TGFBR3: variants seen among roughly 807,000 people sequenced by gnomAD.
TGFBR3 encodes transforming growth factor beta receptor 3, also known as transforming growth factor beta receptor type 3.
Under a neutral mutation model 87.9 loss-of-function variants are expected in TGFBR3, and 46 were observed. The ratio of observed to expected loss-of-function variants is 0.52; its 90% confidence interval spans 0.41 to 0.67. The LOEUF is 0.67. Ranked by LOEUF, TGFBR3 falls within the 30% of genes least tolerant of loss-of-function variation. TGFBR3 has a pLI of 0.00. For missense variants in TGFBR3, 866 were observed against 1,041.9 expected (o/e 0.83, Z 2.32); for synonymous variants, 381 against 391.6 (o/e 0.97, Z 0.32).
chr1:91,762,772 TAGGTCTTCTGC>T (rs373634156), intron 3 of TGFBR3, among the ~76,000 whole-genome samples: 340 of 152,372 alleles, frequency 2.2e-3, no homozygotes, highest in African/African-American at 7.7e-3. Flanking sequence ...CTATTCATAC[TAGGTCTTCTGC>T]AGTTACCTGT....
intron 1 of TGFBR3, chr1:91,861,875 G>A (rs1479238084): frequency 2.0e-5 from 4 of 195,380 alleles, no homozygotes; most frequent in African/African-American, 7.2e-5. Flanking sequence ...TTTTTTTTTT[G>A]AGATAGAGTC....
intron 1 of TGFBR3, among the ~76,000 whole-genome samples, chr1:91,876,059 T>C (rs1438180683): frequency 1.3e-5 from 2 of 151,462 alleles, no homozygotes; most frequent in Non-Finnish European, 2.9e-5. Context: ...CAAATGCAAC[T>C]TTGCACTCCG....
At chr1:91,803,735 C>T (rs915003726) in intron 2 of TGFBR3, among the ~76,000 whole-genome samples, 4 of 152,060 alleles carry the variant, frequency 2.6e-5, no homozygotes, top group East Asian at 1.9e-4. Context: ...CATTCCCCAC[C>T]GTTTCTGTTC....
At chr1:91,820,802 T>C (rs1258208926) in intron 2 of TGFBR3, among the ~76,000 whole-genome samples, 3 of 152,228 alleles carry the variant, frequency 2.0e-5, no homozygotes, top group Admixed American at 2.0e-4. Flanking sequence ...CATGTTCTTT[T>C]TGTATGTAAA....
intron 2 of TGFBR3, among the ~76,000 whole-genome samples, chr1:91,824,904 G>GAGCCAAGATCGCACTGCTGCAGTA (rs1676578664): frequency 6.6e-6 from 1 of 152,206 alleles, no homozygotes; most frequent in Non-Finnish European, 1.5e-5. Flanking sequence ...AGGCTGCAGT[G>GAGCCAAGATCGCACTGCTGCAGTA]AGCCAAGATC....
chr1:91,854,549 GA>G (rs967967969), intron 2 of TGFBR3, among the ~76,000 whole-genome samples: 1 of 151,382 alleles, frequency 6.6e-6, no homozygotes, highest in South Asian at 2.1e-4. Context: ...ATAAAAATGT[GA>G]AAAAAAATAA....
chr1:91,853,259 CAAAAAA>C (rs11340974), intron 2 of TGFBR3, among the ~76,000 whole-genome samples: 3 of 76,606 alleles, frequency 3.9e-5, no homozygotes, highest in African/African-American at 8.7e-5. Context: ...TGAGGGTTGG[CAAAAAA>C]AAAAAAAAAA....
chr1:91,805,644 C>T (rs1163236865), intron 2 of TGFBR3, among the ~76,000 whole-genome samples: 1 of 152,226 alleles, frequency 6.6e-6, no homozygotes, highest in African/African-American at 2.4e-5. Context: ...GGGTGCTCAG[C>T]AGCTGGGCCA....
chr1:91,904,823 C>T (rs975318019), intron 1 of TGFBR3, among the ~76,000 whole-genome samples: 43 of 152,080 alleles, frequency 2.8e-4, no homozygotes, highest in African/African-American at 9.9e-4. Flanking sequence ...ACCTCGGCCT[C>T]CCAAAGTGCT....
intron 1 of TGFBR3, among the ~76,000 whole-genome samples, chr1:91,870,894 G>A (rs976976382): frequency 1.3e-5 from 2 of 152,158 alleles, no homozygotes; most frequent in Admixed American, 6.6e-5. Flanking sequence ...ATATTAGCCA[G>A]GCATGGTGGC....
At chr1:91,836,628 G>T (rs1199686993) in intron 2 of TGFBR3, among the ~76,000 whole-genome samples, 1 of 151,874 alleles carries the variant, frequency 6.6e-6, no homozygotes, top group Non-Finnish European at 1.5e-5. Context: ...TTTGAAATTT[G>T]ATGAAACTTT....
intron 3 of TGFBR3, among the ~76,000 whole-genome samples, chr1:91,766,198 CTT>C (rs749978314): frequency 2.6e-5 from 3 of 114,454 alleles, no homozygotes; most frequent in Admixed American, 1.1e-4. Flanking sequence ...AGTTTGTTTT[CTT>C]TTTTTTTTTT....
At position 91,748,722 on chromosome 1, in the gene TGFBR3, GTATTATTATTATTATTAT is replaced by G. The variant is rs56351917; in HGVS notation, c.384+9873_384+9890del. Among the ~76,000 whole-genome samples the G allele has an allele frequency of 6.1e-5, 9 of 148,600 alleles. No homozygotes were observed. In the East Asian group the frequency reaches 1.8e-3, roughly 30 times the overall value. Reference sequence around the variant, plus strand: ...AGGTCCCCATTTACCATTCTGGAAAGTATTATTATTATTATTATTATTATTATTATTGCTAACATTTAC... The same window carrying G: ...AGGTCCCCATTTACCATTCTGGAAAGTATTATTATTATTGCTAACATTTAC... On this transcript the variant is annotated intron_variant, in intron 4 of 16. Transcript: ENST00000212355.
At chr1:91,878,281 GAA>G (rs11288871) in intron 1 of TGFBR3, among the ~76,000 whole-genome samples, 1,641 of 123,604 alleles carry the variant, frequency 0.013, 16 homozygotes, top group African/African-American at 0.033. Context: ...AGAATGAAAA[GAA>G]AAAAAAAAAA....
In TGFBR3 at chr1:91,716,308, G is replaced by A; in HGVS notation, c.1794C>T (p.Tyr598=). 3.1e-6 allele frequency: 5 copies of A among 1,614,174 alleles called. No individual in the cohort carries two copies. The highest frequency in any genetic ancestry group is 1.1e-5 in the South Asian group (1 of 91,086). ...AGGGCACCAAAAAGAGGTCAGTGTT[G>A]TATAGCTCCATGTTGAAGGTGATGT... ...HGNITFNMEL[Y]NTDLFLVPSQ... The change falls in exon 12 of 17, where the codon TAC becomes TAT. Residue 598 remains tyrosine (Y), a synonymous_variant. Coordinates refer to ENST00000212355, the MANE Select transcript of TGFBR3 (RefSeq NM_003243.5).
chr1:91,778,488 C>T (rs1410991407), intron 3 of TGFBR3, among the ~76,000 whole-genome samples: 2 of 152,176 alleles, frequency 1.3e-5, no homozygotes, highest in Non-Finnish European at 2.9e-5. Context: ...CAATCCAGTG[C>T]TGTCTTCTAT....
chr1:91,856,267 C>A lies in TGFBR3; in HGVS notation c.61+5204G>T, dbSNP rs193163727. Among the ~76,000 whole-genome samples the A allele has an allele frequency of 1.7e-3, 260 of 152,170 alleles. 1 individual carries two copies. The highest frequency in any genetic ancestry group is 5.8e-3 in the African/African-American group (242 of 41,520). Reference sequence around the variant, plus strand: ...ACTTTTAGTAGAGACGGGGTTTCACCGTGTTAGCCAGGATGGTCTCAATCT... The same window carrying A: ...ACTTTTAGTAGAGACGGGGTTTCACAGTGTTAGCCAGGATGGTCTCAATCT... On this transcript the variant is annotated intron_variant, in intron 2 of 16. Coordinates refer to ENST00000212355, the MANE Select transcript of TGFBR3 (RefSeq NM_003243.5).
chr1:91,762,461 A>G (rs1268430933), intron 3 of TGFBR3, among the ~76,000 whole-genome samples: 1 of 152,186 alleles, frequency 6.6e-6, no homozygotes, highest in African/African-American at 2.4e-5. Flanking sequence ...TGGTCTTAAG[A>G]TGTCATCCTT....
At chr1:91,832,351 C>T (rs1413330433) in intron 2 of TGFBR3, among the ~76,000 whole-genome samples, 1 of 114,754 alleles carries the variant, frequency 8.7e-6, no homozygotes, top group African/African-American at 3.9e-5. Flanking sequence ...TGAATTTGTA[C>T]AGGAATTTTA....
Sources: gnomAD v4.1 joint callset for allele counts (sites outside exome capture counted in the v4.1 genomes callset) on GRCh38, gnomAD v4.1.1 for gene constraint, MANE v1.5 for transcripts, NCBI Gene and HGNC (gene_info 2026-07-23, HGNC 2026-07-21) for gene names.